PTPRN2: variants seen among roughly 807,000 people sequenced by gnomAD.
The protein encoded by PTPRN2 is protein tyrosine phosphatase receptor type N2, also known as receptor-type tyrosine-protein phosphatase N2.
PTPRN2 carries 74 observed loss-of-function variants against 118.8 expected under a neutral mutation model. The observed-to-expected ratio is 0.62, with a 90% confidence interval of 0.52 to 0.76. The LOEUF (loss-of-function observed/expected upper bound fraction) is 0.76, where lower values mean the gene tolerates loss of function less well. Among genes scored for constraint, PTPRN2 ranks in the 30% least tolerant of loss-of-function variants. PTPRN2 has a pLI of 0.00. For synonymous variants in PTPRN2, 641 were observed against 608.0 expected (o/e 1.05, Z -0.80); for missense variants, 1,481 against 1,394.4 (o/e 1.06, Z -0.99).
chr7:158,038,879 G>A (rs1808264590), intron 11 of PTPRN2, among the ~76,000 whole-genome samples: 1 of 151,696 alleles, frequency 6.6e-6, no homozygotes. Flanking sequence ...AAATTGAAGT[G>A]TTCAAACAAG....
chr7:158,150,324 A>T (rs111653817), intron 6 of PTPRN2, among the ~76,000 whole-genome samples: 2,694 of 152,308 alleles, frequency 0.018, 90 homozygotes, highest in African/African-American at 0.061. Flanking sequence ...TTCAGCTGAC[A>T]AGCATGTTCC....
At chr7:158,411,490 C>T (rs989649880) in intron 2 of PTPRN2, among the ~76,000 whole-genome samples, 10 of 152,196 alleles carry the variant, frequency 6.6e-5, no homozygotes, top group Non-Finnish European at 2.9e-5. Context: ...ACTCACGGCT[C>T]ACCTCCTGGG....
chr7:158,268,780 C>CCA (rs1236622081), intron 3 of PTPRN2, among the ~76,000 whole-genome samples: 16 of 121,596 alleles, frequency 1.3e-4, no homozygotes, highest in Non-Finnish European at 1.9e-4. Context: ...ATATCCCAGC[C>CCA]GCACACACAC....
Position 158,465,164 on chromosome 7 carries a change from T to C in PTPRN2, c.163+24571A>G, listed in dbSNP as rs1251689985. ...CTCTCCTGGGCCTTGTATGTGGAGATACTAAGAGTGCCCATCTTGCAGAGT... is the reference window on the plus strand; with the variant it reads ...CTCTCCTGGGCCTTGTATGTGGAGACACTAAGAGTGCCCATCTTGCAGAGT... On this transcript the variant is annotated intron_variant, in intron 2 of 22. Coordinates refer to ENST00000389418, the MANE Select transcript of PTPRN2 (RefSeq NM_002847.5). Among the ~76,000 whole-genome samples the C allele has an allele frequency of 2.0e-5, 3 of 152,194 alleles. No homozygotes were observed. The East Asian group carries it at 5.8e-4, about 29-fold the overall frequency.
intron 3 of PTPRN2, among the ~76,000 whole-genome samples, chr7:158,214,932 C>G (rs911779139): frequency 1.3e-5 from 2 of 152,182 alleles, no homozygotes; most frequent in Non-Finnish European, 2.9e-5. Flanking sequence ...GATCCAGAAT[C>G]ATGACATAAT....
chr7:157,588,950 A>G (rs977016019), intron 17 of PTPRN2, among the ~76,000 whole-genome samples: 3 of 152,084 alleles, frequency 2.0e-5, no homozygotes, highest in African/African-American at 7.2e-5. Context: ...CTCTATTTTA[A>G]TTGTAGTAAA....
chr7:157,850,272 C>T (rs543672763), intron 12 of PTPRN2, among the ~76,000 whole-genome samples: 1 of 150,112 alleles, frequency 6.7e-6, no homozygotes, highest in African/African-American at 2.4e-5. Context: ...TCCAAATTTC[C>T]GACATGGGGT....
intron 5 of PTPRN2, among the ~76,000 whole-genome samples, chr7:158,188,354 T>C (rs1358687893): frequency 2.8e-5 from 1 of 35,954 alleles, no homozygotes; most frequent in African/African-American, 9.9e-5. Context: ...GCCGCCACGC[T>C]CGCCGCCTGA....
chr7:157,744,362 A>G (rs1167880843), intron 12 of PTPRN2, among the ~76,000 whole-genome samples: 1 of 152,110 alleles, frequency 6.6e-6, no homozygotes, highest in Non-Finnish European at 1.5e-5. Flanking sequence ...ACCTAAGGTG[A>G]TAGGAACTGG....
At chr7:157,982,537 G>A (rs181477126) in intron 11 of PTPRN2, among the ~76,000 whole-genome samples, 2 of 136,788 alleles carry the variant, frequency 1.5e-5, no homozygotes, top group Admixed American at 7.1e-5. Flanking sequence ...GAGACGAGGA[G>A]GGGAATGCAG....
chr7:158,188,244 C>T (rs868831938), intron 5 of PTPRN2, among the ~76,000 whole-genome samples: 327 of 18,270 alleles, frequency 0.018, 101 homozygotes, highest in East Asian at 0.12. Context: ...GCTTGCCCCG[C>T]GATGGGGAAG....
Position 158,563,412 on chromosome 7 carries a change from A to C in PTPRN2, c.112+24146T>G, listed in dbSNP as rs545422712. Among the ~76,000 whole-genome samples, 1 of 152,342 alleles carries C rather than the reference A, an allele frequency of 6.6e-6. No homozygotes were observed. The highest frequency in any genetic ancestry group is 1.9e-4 in the East Asian group (1 of 5,182). ...AGTCTTATTACTGCAGCAGTTTGCA[A>C]GTTGGCCGTGATGTCTCATAATATG... On this transcript the variant is annotated intron_variant, in intron 1 of 22. Coordinates refer to ENST00000389418, the MANE Select transcript of PTPRN2 (RefSeq NM_002847.5). The surrounding 1 kb of genome is among the most constrained non-coding windows in gnomAD (Gnocchi z 5.1).
At chr7:158,112,863 G>A (rs947089566) in intron 9 of PTPRN2, among the ~76,000 whole-genome samples, 38 of 151,940 alleles carry the variant, frequency 2.5e-4, no homozygotes, top group Middle Eastern at 3.4e-3. Flanking sequence ...ACAGCAGGGC[G>A]TCCAGGCTGG....
intron 6 of PTPRN2, among the ~76,000 whole-genome samples, chr7:158,139,458 CT>C (rs1277994675): frequency 6.6e-6 from 1 of 152,084 alleles, no homozygotes; most frequent in Non-Finnish European, 1.5e-5. Flanking sequence ...TCAGTCACCC[CT>C]GGGGCATCCA....
intron 12 of PTPRN2, among the ~76,000 whole-genome samples, chr7:157,712,837 A>G (rs1484018792): frequency 1.3e-5 from 2 of 150,674 alleles, no homozygotes; most frequent in South Asian, 4.2e-4. Context: ...CAGGGACTGG[A>G]GTGGGGCAGC....
chr7:158,414,190 C>T (rs960237283), intron 2 of PTPRN2, among the ~76,000 whole-genome samples: 1 of 151,756 alleles, frequency 6.6e-6, no homozygotes, highest in Non-Finnish European at 1.5e-5. Flanking sequence ...CGTAGGGAAT[C>T]AGGTGCTCAA....
chr7:158,312,205 C>CA (rs1554450983), intron 3 of PTPRN2, among the ~76,000 whole-genome samples: 1 of 137,068 alleles, frequency 7.3e-6, no homozygotes, highest in Non-Finnish European at 1.6e-5. Flanking sequence ...CACTCACATG[C>CA]ACACACACGT....
intron 3 of PTPRN2, among the ~76,000 whole-genome samples, chr7:158,290,805 T>C (rs1800073867): frequency 6.6e-6 from 1 of 152,198 alleles, no homozygotes; most frequent in African/African-American, 2.4e-5. Context: ...CTGGTTTCCT[T>C]AGCACTTGTG....
chr7:158,207,054 C>T lies in PTPRN2; in HGVS notation c.278-1781G>A, dbSNP rs1264842103. On this transcript the variant is annotated intron_variant, in intron 3 of 22. Coordinates refer to ENST00000389418, the MANE Select transcript of PTPRN2 (RefSeq NM_002847.5). ...ATTCCCGCCTATGAGTGAGAATATG[C>T]GGTGTTTGGTTTTTTGTTCTTGCGA... Among the ~76,000 whole-genome samples the T allele has an allele frequency of 6.8e-5, 10 of 146,588 alleles. No homozygotes were observed. The East Asian group carries it at 1.6e-3, about 24-fold the overall frequency.
Sources: allele counts gnomAD v4.1 joint callset (sites outside exome capture counted in the v4.1 genomes callset), GRCh38; gene constraint gnomAD v4.1.1; non-coding constraint Gnocchi (gnomAD v3.1); transcripts MANE v1.5; gene names NCBI Gene and HGNC (gene_info 2026-07-23, HGNC 2026-07-21).